Variants in SPOCK3 observed in about 807,000 individuals in gnomAD.
SPOCK3 encodes testican-3.
A neutral mutation model predicts 56.6 loss-of-function variants in SPOCK3; 30 were observed. The ratio of observed to expected loss-of-function variants is 0.53; its 90% CI spans 0.40 to 0.72. The LOEUF is 0.72. SPOCK3 is among the 30% of genes least tolerant of loss of function. SPOCK3 has a pLI of 0.00. For missense variants in SPOCK3, 527 were observed against 530.0 expected (o/e 0.99, Z 0.06); for synonymous variants, 196 against 183.3 (o/e 1.07, Z -0.56).
chr4:166,831,148 T>C (rs963095874), intron 6 of SPOCK3, among the ~76,000 whole-genome samples: 2 of 152,216 alleles, frequency 1.3e-5, no homozygotes, highest in Non-Finnish European at 2.9e-5. Context: ...AGAAATGGCA[T>C]GTTAGCCATG....
intron 4 of SPOCK3, among the ~76,000 whole-genome samples, chr4:166,923,480 A>G (rs1738733917): frequency 6.6e-6 from 1 of 152,230 alleles, no homozygotes; most frequent in African/African-American, 2.4e-5. Flanking sequence ...ATAACAAAAA[A>G]GCTTCAGGAA....
intron 7 of SPOCK3, among the ~76,000 whole-genome samples, chr4:166,762,092 T>C (rs1737315432): frequency 7.5e-6 from 1 of 133,678 alleles, no homozygotes; most frequent in Non-Finnish European, 1.7e-5. Context: ...AATTTCAGTG[T>C]TTTTGTTGTT....
At chr4:166,873,078 C>A (rs1732654299) in intron 6 of SPOCK3, among the ~76,000 whole-genome samples, 1 of 151,950 alleles carries the variant, frequency 6.6e-6, no homozygotes, top group South Asian at 2.1e-4. Flanking sequence ...CTGCTATGAC[C>A]CATATACTTT....
chr4:166,779,938 T>C (rs1034346297), intron 7 of SPOCK3, among the ~76,000 whole-genome samples: 3 of 152,108 alleles, frequency 2.0e-5, no homozygotes, highest in Non-Finnish European at 2.9e-5. Flanking sequence ...CAAAAATGAG[T>C]TGAATAACAT....
rs368315866 is a variant in SPOCK3, at chr4:166,898,095, G to A, written c.475-8851C>T. On this transcript the variant is annotated intron_variant, in intron 5 of 10. Coordinates refer to ENST00000357545, the MANE Select transcript of SPOCK3 (RefSeq NM_001040159.2). The stretch of plus-strand genomic sequence containing the variant: ...TGCACCTGTAGTCCCAGCTACTCAG[G>A]AAGCTGAGGCAGGAGGATCACTGAG... Among the ~76,000 whole-genome samples the A allele has an allele frequency of 8.7e-3, 1,331 of 152,210 alleles. 8 individuals are homozygous for A. The highest frequency in any genetic ancestry group is 0.014 in the Non-Finnish European group (965 of 68,004).
At chr4:166,792,680 C>T (rs1382220874) in intron 6 of SPOCK3, among the ~76,000 whole-genome samples, 1 of 152,038 alleles carries the variant, frequency 6.6e-6, no homozygotes, top group East Asian at 1.9e-4. Context: ...GTTGGCCATA[C>T]CTCTTGTAAG....
intron 6 of SPOCK3, among the ~76,000 whole-genome samples, chr4:166,800,208 G>GAAAAAAAAAAAAAAAAAAAAAAAAAA (rs1207796263): frequency 4.5e-4 from 51 of 112,998 alleles, no homozygotes; most frequent in East Asian, 2.5e-3. Context: ...AAAAAAAAAT[G>GAAAAAAAAAAAAAAAAAAAAAAAAAA]AAAACATGGA....
intron 4 of SPOCK3, among the ~76,000 whole-genome samples, chr4:166,923,428 C>G (rs953989745): frequency 6.6e-6 from 1 of 152,166 alleles, no homozygotes; most frequent in South Asian, 2.1e-4. Context: ...ATTTAGCTCA[C>G]AACAGGGAGA....
chr4:167,202,651 C>A (rs1191231787), intron 2 of SPOCK3, among the ~76,000 whole-genome samples: 2 of 151,312 alleles, frequency 1.3e-5, no homozygotes, highest in Non-Finnish European at 2.9e-5. Flanking sequence ...CCAATCTCAA[C>A]TGTGAAGGGT....
chr4:166,857,662 GA>G (rs1055915200), intron 6 of SPOCK3, among the ~76,000 whole-genome samples: 5 of 151,996 alleles, frequency 3.3e-5, no homozygotes, highest in South Asian at 2.1e-4. Context: ...AATATACTAA[GA>G]AAAAAACTTT....
chr4:167,126,215 C>G (rs1017527474), intron 2 of SPOCK3, among the ~76,000 whole-genome samples: 1 of 152,260 alleles, frequency 6.6e-6, no homozygotes. Flanking sequence ...GTCAGTCAGT[C>G]CACAGTCTGA....
At position 166,743,821 on chromosome 4, in the gene SPOCK3, T is replaced by C. The variant is rs185069505; in HGVS notation, c.932-1762A>G. ...AGGAGACTATATCCTGCGCCTGGTT[T>C]GGTGGGTCCCACGCCCATGGAGCTT... On this transcript the variant is annotated intron_variant, in intron 8 of 10. Transcript: ENST00000357545. Among the ~76,000 whole-genome samples, 728 of 152,318 alleles carry C rather than the reference T, an allele frequency of 4.8e-3. 12 individuals are homozygous for C. The highest frequency in any genetic ancestry group is 0.043 in the Admixed American group (661 of 15,290).
chr4:167,148,089 T>C (rs998171228), intron 2 of SPOCK3, among the ~76,000 whole-genome samples: 1 of 152,174 alleles, frequency 6.6e-6, no homozygotes, highest in African/African-American at 2.4e-5. Context: ...ACTGCAATGA[T>C]GGAGATATGG....
At chr4:167,030,323 G>A (rs1752151102) in intron 3 of SPOCK3, among the ~76,000 whole-genome samples, 1 of 151,756 alleles carries the variant, frequency 6.6e-6, no homozygotes, top group Admixed American at 6.6e-5. Context: ...GTCTTTTTGA[G>A]CAAGATAAAC....
At chr4:166,986,194 T>C (rs961266637) in intron 4 of SPOCK3, among the ~76,000 whole-genome samples, 2 of 152,208 alleles carry the variant, frequency 1.3e-5, no homozygotes, top group Non-Finnish European at 2.9e-5. Context: ...TATGTAATTA[T>C]TATGTCAATC....
chr4:166,930,667 TTATGGAAAA>T (rs1739646692), intron 4 of SPOCK3, among the ~76,000 whole-genome samples: 1 of 152,196 alleles, frequency 6.6e-6, no homozygotes, highest in Non-Finnish European at 1.5e-5. Flanking sequence ...CAGAAGGCAC[TTATGGAAAA>T]CATTTGCATT....
intron 2 of SPOCK3, among the ~76,000 whole-genome samples, chr4:167,195,409 T>C (rs1732845165): frequency 6.6e-6 from 1 of 152,064 alleles, no homozygotes; most frequent in Admixed American, 6.5e-5. Context: ...CCCAAGAAGG[T>C]AATTAGGAGT....
chr4:166,737,418 C>T, intron 10 of SPOCK3, 49 bp downstream of exon 10: 1 of 1,577,672 alleles, frequency 6.3e-7, no homozygotes, highest in Non-Finnish European at 8.6e-7. Context: ...CTCTAAAGCA[C>T]TTAATTCTGT....
rs558425053 is a variant in SPOCK3 at position 166,939,534 on chromosome 4, A to G, written c.351-26791T>C. On this transcript the variant is annotated intron_variant, in intron 4 of 10. Transcript: ENST00000357545. Reference sequence around the variant, plus strand: ...TGACTACCAAAGTACAAGGAAGGAAATCCATAGTTCTATGCAGGAAATGAT... The same window carrying G: ...TGACTACCAAAGTACAAGGAAGGAAGTCCATAGTTCTATGCAGGAAATGAT... 1.4e-4 allele frequency among the ~76,000 whole-genome samples: 22 copies of G among 152,308 alleles called. No individual in the cohort carries two copies. The East Asian group carries it at 4.1e-3, about 28-fold the overall frequency.
Sources: gnomAD v4.1 joint callset for allele counts (sites outside exome capture counted in the v4.1 genomes callset) on GRCh38, gnomAD v4.1.1 for gene constraint, MANE v1.5 for transcripts, NCBI Gene and HGNC (gene_info 2026-07-23, HGNC 2026-07-21) for gene names.